SNTG1: variants seen among roughly 807,000 people sequenced by gnomAD.
SNTG1 encodes syntrophin gamma 1.
In SNTG1, 39 loss-of-function variants were observed where a neutral mutation model predicts 74.7. The observed-to-expected ratio is 0.52, with a 90% confidence interval of 0.40 to 0.68. The LOEUF (loss-of-function observed/expected upper bound fraction) is 0.68, where lower values mean the gene tolerates loss of function less well. SNTG1 is among the 30% of genes least tolerant of loss of function. SNTG1 has a pLI of 0.00. For synonymous variants in SNTG1, 254 were observed against 217.1 expected, an observed-to-expected ratio of 1.17 and a Z score of -1.49; for missense variants, 685 against 609.5, an observed-to-expected ratio of 1.12 and a Z score of -1.30.
chr8:50,119,737 T>C (rs1234162939), intron 1 of SNTG1, among the ~76,000 whole-genome samples: 1 of 141,590 alleles, frequency 7.1e-6, no homozygotes, highest in Non-Finnish European at 1.6e-5. Context: ...TAAGGACAAT[T>C]ACTATACCCC....
At chr8:50,288,089 T>C (rs2088885942) in intron 2 of SNTG1, among the ~76,000 whole-genome samples, 1 of 152,190 alleles carries the variant, frequency 6.6e-6, no homozygotes, top group East Asian at 1.9e-4. Context: ...CACTTATTCA[T>C]ATTTGTATTT....
chr8:50,115,865 C>G (rs771391609), intron 1 of SNTG1, among the ~76,000 whole-genome samples: 1 of 151,828 alleles, frequency 6.6e-6, no homozygotes, highest in Non-Finnish European at 1.5e-5. Context: ...TTGAAAAGTA[C>G]CACCCACCGC....
chr8:50,478,568 C>T (rs1458113683), intron 8 of SNTG1, among the ~76,000 whole-genome samples: 3 of 152,142 alleles, frequency 2.0e-5, no homozygotes, highest in Admixed American at 6.6e-5. Flanking sequence ...TCCTCTTTTG[C>T]TATAAGTTGT....
intron 18 of SNTG1, among the ~76,000 whole-genome samples, chr8:50,780,797 G>A (rs1028719215): frequency 2.6e-5 from 4 of 152,118 alleles, no homozygotes; most frequent in African/African-American, 9.7e-5. Flanking sequence ...TGTGATGTTA[G>A]GGTGTCAATT....
At chr8:50,475,751 A>C (rs2093692324) in intron 8 of SNTG1, among the ~76,000 whole-genome samples, 1 of 152,192 alleles carries the variant, frequency 6.6e-6, no homozygotes, top group African/African-American at 2.4e-5. Flanking sequence ...TCATTTTAGA[A>C]GTTTGGAAAA....
intron 2 of SNTG1, among the ~76,000 whole-genome samples, chr8:50,318,251 A>C (rs2090391564): frequency 6.7e-6 from 1 of 150,176 alleles, no homozygotes; most frequent in Admixed American, 6.8e-5. Context: ...CAACATGTGC[A>C]CGGCAATCTA....
At chr8:50,306,522 T>C (rs1199857455) in intron 2 of SNTG1, among the ~76,000 whole-genome samples, 1 of 152,088 alleles carries the variant, frequency 6.6e-6, no homozygotes, top group African/African-American at 2.4e-5. Context: ...AAGCAGTGTA[T>C]AAGTGTTCCT....
At chr8:50,496,664 A>T in intron 8 of SNTG1, among the ~76,000 whole-genome samples, 1 of 152,332 alleles carries the variant, frequency 6.6e-6, no homozygotes, top group East Asian at 1.9e-4. Flanking sequence ...AATATTAAAC[A>T]CATAAATATC....
rs1176868583 is a variant in SNTG1, at chr8:50,642,711, A to G, written c.850-14198A>G. ...GTGTGATGTTAGGGCAATCGCAGCT[A>G]CAATTTCAGCCCTTCCCAGTATTTT... is the stretch of plus-strand genomic sequence containing the variant. On this transcript the variant is annotated intron_variant, in intron 13 of 18. Transcript: ENST00000642720. Among the ~76,000 whole-genome samples, 4 of 152,276 alleles carry G rather than the reference A, an allele frequency of 2.6e-5. No individual in the cohort carries two copies. The East Asian group carries it at 7.7e-4, about 29-fold the overall frequency.
chr8:50,249,281 A>T (rs1471054433), intron 2 of SNTG1, among the ~76,000 whole-genome samples: 4 of 152,204 alleles, frequency 2.6e-5, no homozygotes, highest in Non-Finnish European at 5.9e-5. Context: ...TGCAACCCGT[A>T]TGACCTAAGA....
intron 2 of SNTG1, among the ~76,000 whole-genome samples, chr8:50,244,063 G>C (rs919248275): frequency 6.6e-6 from 1 of 152,102 alleles, no homozygotes; most frequent in Non-Finnish European, 1.5e-5. Context: ...GCTGGCATCT[G>C]CTTGGCTTCT....
chr8:50,781,461 G>C (rs1269029612), intron 18 of SNTG1, among the ~76,000 whole-genome samples: 1 of 147,862 alleles, frequency 6.8e-6, no homozygotes, highest in Non-Finnish European at 1.5e-5. Context: ...TTATGTAATG[G>C]CCTTCTTTGT....
intron 13 of SNTG1, among the ~76,000 whole-genome samples, chr8:50,604,691 C>G (rs2094799793): frequency 6.6e-6 from 1 of 152,120 alleles, no homozygotes; most frequent in South Asian, 2.1e-4. Flanking sequence ...GTCCAAGAGT[C>G]TAGGCCTGGA....
intron 9 of SNTG1, among the ~76,000 whole-genome samples, chr8:50,510,605 T>A (rs565703792): frequency 1.3e-5 from 2 of 152,318 alleles, no homozygotes; most frequent in South Asian, 4.1e-4. Flanking sequence ...CTGTTTTTGG[T>A]CTATTAAGAG....
intron 2 of SNTG1, among the ~76,000 whole-genome samples, chr8:50,334,123 C>T (rs1041432496): frequency 2.6e-5 from 4 of 152,178 alleles, no homozygotes; most frequent in African/African-American, 7.2e-5. Flanking sequence ...TCTAGAACTC[C>T]TGACCTCAGG....
At chr8:50,545,828 G>T (rs1432976051) in intron 11 of SNTG1, among the ~76,000 whole-genome samples, 1 of 152,126 alleles carries the variant, frequency 6.6e-6, no homozygotes, top group Non-Finnish European at 1.5e-5. Flanking sequence ...ATGAAATTTA[G>T]TATCTAAACA....
rs186283458 is a variant in SNTG1 at position 50,157,990 on chromosome 8, T to G, written c.-102-14571T>G. Among the ~76,000 whole-genome samples, 12 of 152,282 alleles carry G rather than the reference T, an allele frequency of 7.9e-5. No individual in the cohort carries two copies. In the East Asian group the frequency reaches 1.5e-3, roughly 20 times the overall value. Reference sequence around the variant, plus strand: ...ATATTTTCTTTTCCCAGGGCATTCCTGGCTTATGTCAACTGTCCTGGCAAA... The same window carrying G: ...ATATTTTCTTTTCCCAGGGCATTCCGGGCTTATGTCAACTGTCCTGGCAAA... On this transcript the variant is annotated intron_variant, in intron 1 of 18. Transcript: ENST00000642720.
At chr8:50,203,315 T>G (rs944790705) in intron 2 of SNTG1, among the ~76,000 whole-genome samples, 2 of 152,134 alleles carry the variant, frequency 1.3e-5, no homozygotes, top group East Asian at 3.9e-4. Context: ...AAGTGTTAAC[T>G]TTAGGGCTCC....
intron 2 of SNTG1, among the ~76,000 whole-genome samples, chr8:50,237,663 A>G (rs951016746): frequency 2.0e-5 from 3 of 152,098 alleles, no homozygotes; most frequent in African/African-American, 7.2e-5. Context: ...TATCCATTTA[A>G]ATTCATAGTT....
Sources: allele counts gnomAD v4.1 joint callset (sites outside exome capture counted in the v4.1 genomes callset), GRCh38; gene constraint gnomAD v4.1.1; transcripts MANE v1.5; gene names NCBI Gene and HGNC (gene_info 2026-07-23, HGNC 2026-07-21).